Variants in IGF2BP1 observed in about 807,000 individuals in gnomAD.
IGF2BP1 encodes insulin-like growth factor 2 mRNA-binding protein 1.
In IGF2BP1, 11 loss-of-function variants were observed where a neutral mutation model predicts 74.9. That is an observed-to-expected ratio of 0.15 (90% CI 0.09 to 0.24). The LOEUF is 0.24. Among genes scored for constraint, IGF2BP1 ranks in the 10% least tolerant of loss-of-function variants. The probability of loss-of-function intolerance (pLI) is 1.00; values close to 1 mark genes in which losing one functional copy is unlikely to be tolerated. For missense variants in IGF2BP1, 440 were observed against 757.4 expected, an observed-to-expected ratio of 0.58 and a Z score of 4.92; for synonymous variants, 287 against 281.8, an observed-to-expected ratio of 1.02 and a Z score of -0.18.
At chr17:48,999,923 GGTGTGTGTGTGTGTGTGTGT>G (rs371605973) in intron 2 of IGF2BP1, among the ~76,000 whole-genome samples, 21 of 134,106 alleles carry the variant, frequency 1.6e-4, no homozygotes, top group South Asian at 2.7e-4. Context: ...GTGGATGAAT[GGTGTGTGTGTGTGTGTGTGT>G]GTGTGTGTGT....
rs752960224 is a variant in IGF2BP1, at chr17:49,038,362, G to A, written c.596G>A (p.Arg199Gln). 12 of 1,604,506 alleles carry A rather than the reference G, an allele frequency of 7.5e-6. No individual in the cohort carries two copies. The highest frequency in any genetic ancestry group is 1.0e-5 in the Non-Finnish European group (12 of 1,175,744). The change falls in exon 6 of 15, where the codon CGG becomes CAG. Residue 199 changes from arginine (R) to glutamine (Q), a missense_variant. Physicochemically the swap from Arg to Gln is conservative, Grantham distance 43. This residue lies in a region of IGF2BP1 where 184 missense variants were observed against 273.4 expected (regional missense o/e 0.67). Coordinates refer to ENST00000290341, the MANE Select transcript of IGF2BP1 (RefSeq NM_006546.4). ...AKQQQVDIPL[R>Q]LLVPTQYVGA... ...CAGCAGCAAGTGGACATCCCCCTTCGGCTCCTGGTGCCCACCCAGTATGTG... is the reference window on the plus strand; with the variant it reads ...CAGCAGCAAGTGGACATCCCCCTTCAGCTCCTGGTGCCCACCCAGTATGTG...
At position 49,040,036 on chromosome 17, in the gene IGF2BP1, T is replaced by G; in HGVS notation, c.763T>G (p.Ser255Ala). The G allele has an allele frequency of 6.2e-7, 1 of 1,613,960 alleles. No homozygotes were observed. Among genetic ancestry groups the G allele is most frequent in the South Asian group, 1.1e-5 (1 of 91,068 alleles). The change falls in exon 7 of 15, where the codon TCC becomes GCC. Residue 255 changes from serine (S) to alanine (A), a missense_variant. Physicochemically the swap from Ser to Ala is moderately conservative, Grantham distance 99. This residue lies in a region of IGF2BP1 where 184 missense variants were observed against 273.4 expected (regional missense o/e 0.67). Coordinates refer to ENST00000290341, the MANE Select transcript of IGF2BP1 (RefSeq NM_006546.4). ...GCACTCCACCCCTGAGGGCTGCTCC[T>G]CCGCTTGTAAGATGATCTTGGAGAT... ...SVHSTPEGCS[S>A]ACKMILEIMH...
At chr17:49,014,097 G>C (rs2041659951) in intron 2 of IGF2BP1, 2 of 152,486 alleles carry the variant, frequency 1.3e-5, no homozygotes, top group Non-Finnish European at 2.9e-5. Flanking sequence ...CCCCTCAGCT[G>C]CGCCGTCTCA....
At position 49,026,530 on chromosome 17, in the gene IGF2BP1, C is replaced by T. The variant is rs753856053; in HGVS notation, c.337+13C>T. 21 of 1,613,214 alleles carry T rather than the reference C, an allele frequency of 1.3e-5. No individual in the cohort carries two copies. Among genetic ancestry groups the T allele is most frequent in the East Asian group, 2.2e-5 (1 of 44,860 alleles). On this transcript the variant is annotated intron_variant, in intron 4 of 14. Coordinates refer to ENST00000290341, the MANE Select transcript of IGF2BP1 (RefSeq NM_006546.4). ...AACTGTGAGCAAGGTAAGAGTGGGC[C>T]GGGTGTGGGGTGGCACTCGTGGTGG... is the stretch of plus-strand genomic sequence containing the variant.
At chr17:49,029,934 T>C (rs552660521) in intron 4 of IGF2BP1, among the ~76,000 whole-genome samples, 2 of 152,076 alleles carry the variant, frequency 1.3e-5, no homozygotes, top group South Asian at 2.1e-4. Flanking sequence ...GTGAGAAATA[T>C]GTTTCCAGAC....
chr17:49,024,562 A>G (rs767260335), intron 2 of IGF2BP1, among the ~76,000 whole-genome samples: 1 of 152,142 alleles, frequency 6.6e-6, no homozygotes, highest in Admixed American at 6.6e-5. Context: ...TACTTCAAGT[A>G]CTTACATTTT....
chr17:49,041,612 G>A (rs1209742570), intron 8 of IGF2BP1, 112 bp downstream of exon 8: 4 of 1,387,404 alleles, frequency 2.9e-6, no homozygotes, highest in Non-Finnish European at 4.0e-6. Context: ...TGCTCCTTCT[G>A]CCTCTTGAAG....
At chr17:49,030,797 T>C (rs2041912764) in intron 4 of IGF2BP1, among the ~76,000 whole-genome samples, 1 of 151,942 alleles carries the variant, frequency 6.6e-6, no homozygotes, top group Admixed American at 6.6e-5. Context: ...CAGCTAATAA[T>C]TTTTGTAATT....
chr17:49,040,110 T>G lies in IGF2BP1; in HGVS notation c.818+19T>G. ...CCAAAACGTAAGTCTCCAGCTTTTC[T>G]TGGATCTTCAGGGTCTGCTAGTCCA... On this transcript the variant is annotated intron_variant, in intron 7 of 14. Coordinates refer to ENST00000290341, the MANE Select transcript of IGF2BP1 (RefSeq NM_006546.4). 6.2e-7 allele frequency: 1 copy of G among 1,613,598 alleles called. No homozygotes were observed. The highest frequency in any genetic ancestry group is 1.1e-5 in the South Asian group (1 of 90,934).
At position 49,020,015 on chromosome 17, in the gene IGF2BP1, TATAC is replaced by T. The variant is rs1405053664; in HGVS notation, c.237-5601_237-5598del. Among the ~76,000 whole-genome samples, 4 of 88,596 alleles carry T rather than the reference TATAC, an allele frequency of 4.5e-5. No homozygotes were observed. The East Asian group carries it at 1.1e-3, about 24-fold the overall frequency. 58.1% of individuals were successfully genotyped at this position (88,596 alleles called of 152,430 possible). On this transcript the variant is annotated intron_variant, in intron 2 of 14. Transcript: ENST00000290341. ...ATATATACACACACACACACATATA[TATAC>T]ACACACACACATATATATGTATGTA...
At chr17:48,996,714 C>T (rs2041403764), upstream of IGF2BP1, among the ~76,000 whole-genome samples, 1 of 152,174 alleles carries the variant, frequency 6.6e-6, no homozygotes, top group Admixed American at 6.5e-5. Flanking sequence ...ACCCTTTCTC[C>T]CGTGGGGATC....
chr17:49,042,938 C>T (rs2042068474), intron 9 of IGF2BP1, among the ~76,000 whole-genome samples: 1 of 152,258 alleles, frequency 6.6e-6, no homozygotes, highest in Non-Finnish European at 1.5e-5. Flanking sequence ...CCTACCTTGG[C>T]CTCCCAAAGT....
intron 11 of IGF2BP1, among the ~76,000 whole-genome samples, 174 bp downstream of exon 11, chr17:49,044,260 T>C (rs939938609): frequency 9.2e-5 from 14 of 152,142 alleles, no homozygotes; most frequent in Non-Finnish European, 2.9e-5. Context: ...TTGGTCCCCA[T>C]GGGATGGCTT....
At chr17:49,019,192 T>G (rs1160768585) in intron 2 of IGF2BP1, among the ~76,000 whole-genome samples, 1 of 152,088 alleles carries the variant, frequency 6.6e-6, no homozygotes. Context: ...GAAATACCAG[T>G]CCCAGGGGTA....
intron 2 of IGF2BP1, among the ~76,000 whole-genome samples, chr17:49,019,923 T>TAA (rs1334409095): frequency 3.4e-5 from 2 of 58,038 alleles, no homozygotes; most frequent in African/African-American, 2.0e-4. Flanking sequence ...TATATATATA[T>TAA]ATATATATAT....
chr17:49,003,305 T>C (rs1361515419), intron 2 of IGF2BP1, among the ~76,000 whole-genome samples: 1 of 152,220 alleles, frequency 6.6e-6, no homozygotes, highest in Non-Finnish European at 1.5e-5. Context: ...TAAGAGTGTA[T>C]TTATACTATA....
chr17:49,009,019 C>A (rs1168853341), intron 2 of IGF2BP1, among the ~76,000 whole-genome samples: 1 of 151,842 alleles, frequency 6.6e-6, no homozygotes, highest in Non-Finnish European at 1.5e-5. Context: ...GAAGGAAATA[C>A]AATTTTTTTT....
intron 1 of IGF2BP1, among the ~76,000 whole-genome samples, chr17:48,998,526 G>T (rs944313582): frequency 5.3e-5 from 8 of 152,060 alleles, no homozygotes; most frequent in Admixed American, 3.3e-4. Context: ...GGCGGCGCCG[G>T]GTCGCCATGC....
chr17:49,046,573 T>C (rs1476203568), intron 14 of IGF2BP1, among the ~76,000 whole-genome samples, 200 bp downstream of exon 14: 11 of 151,498 alleles, frequency 7.3e-5, no homozygotes, highest in African/African-American at 2.4e-4. Context: ...CTTATTACTC[T>C]CTAGGAAAAG....
Sources: allele counts gnomAD v4.1 joint callset (sites outside exome capture counted in the v4.1 genomes callset), GRCh38; gene constraint gnomAD v4.1.1; regional missense constraint gnomAD v4.1.1; transcripts MANE v1.5; gene names NCBI Gene and HGNC (gene_info 2026-07-23, HGNC 2026-07-21).